Variants in CCNT2 observed in about 807,000 individuals in gnomAD.
The protein encoded by CCNT2 is cyclin T2, also known as cyclin-T2.
Under a neutral mutation model 70.0 loss-of-function variants are expected in CCNT2, and 18 were observed. The observed-to-expected ratio is 0.26, with a 90% confidence interval of 0.18 to 0.38. The LOEUF is 0.38. Ranked by LOEUF, CCNT2 falls within the 10% of genes least tolerant of loss-of-function variation. The pLI is 1.00. For synonymous variants in CCNT2, 334 were observed against 313.3 expected (o/e 1.07, Z -0.70); for missense variants, 734 against 890.2 (o/e 0.82, Z 2.23).
intron 7 of CCNT2, among the ~76,000 whole-genome samples, chr2:134,950,642 A>G (rs1377635703): frequency 5.3e-5 from 8 of 151,918 alleles, no homozygotes; most frequent in East Asian, 1.9e-4. Context: ...TCTGGGGGGA[A>G]AAAAAAAGAC....
chr2:134,945,961 G>A (rs1681928566), intron 5 of CCNT2, 140 bp from the exon 6 acceptor site: 2 of 1,562,320 alleles, frequency 1.3e-6, no homozygotes, highest in Non-Finnish European at 1.7e-6. Context: ...AAATGATGGC[G>A]CTCTTGTGAT....
At position 134,940,208 on chromosome 2, in the gene CCNT2, G is replaced by C. The variant is rs181621206; in HGVS notation, c.430+1146G>C. Among the ~76,000 whole-genome samples, 3 of 152,132 alleles carry C rather than the reference G, an allele frequency of 2.0e-5. No individual in the cohort carries two copies. In the South Asian group the frequency reaches 6.2e-4, roughly 32 times the overall value. ...ACTCTTCGTTACAAAACTAGTTTGT[G>C]TGAAATACATATGCAGTTGACCCTC... On this transcript the variant is annotated intron_variant, in intron 4 of 8. Transcript: ENST00000264157.
intron 2 of CCNT2, among the ~76,000 whole-genome samples, chr2:134,928,444 A>C (rs976123568): frequency 6.6e-6 from 1 of 151,378 alleles, no homozygotes; most frequent in Non-Finnish European, 1.5e-5. Flanking sequence ...ACTCCCGGCT[A>C]ATTTTGTATT....
chr2:134,929,198 G>A (rs114204498), intron 2 of CCNT2, among the ~76,000 whole-genome samples: 2,876 of 152,262 alleles, frequency 0.019, 94 homozygotes, highest in African/African-American at 0.066. Context: ...ATTAACAAAT[G>A]TGTGATAAAG....
intron 7 of CCNT2, 65 bp from the exon 8 acceptor site, chr2:134,952,576 C>G: frequency 1.1e-6 from 1 of 910,080 alleles, no homozygotes; most frequent in East Asian, 2.5e-5. Flanking sequence ...TTAATACTGC[C>G]CACTTAAGAG....
At chr2:134,935,082 A>G (rs531658644) in intron 2 of CCNT2, among the ~76,000 whole-genome samples, 1 of 152,256 alleles carries the variant, frequency 6.6e-6, no homozygotes, top group African/African-American at 2.4e-5. Flanking sequence ...AAATTGAACA[A>G]CAGCCACATA....
intron 4 of CCNT2, 128 bp downstream of exon 4, chr2:134,939,190 A>G: frequency 1.5e-6 from 1 of 662,348 alleles, no homozygotes; most frequent in Admixed American, 2.6e-5. Context: ...TAGACAGAAT[A>G]AGGTTGCCTG....
intron 2 of CCNT2, among the ~76,000 whole-genome samples, chr2:134,930,787 T>C (rs1191132551): frequency 2.0e-5 from 3 of 152,132 alleles, no homozygotes; most frequent in Non-Finnish European, 2.9e-5. Flanking sequence ...GCATCCAGTT[T>C]ATTAATATTT....
intron 6 of CCNT2, chr2:134,946,463 T>A (rs1403344366): frequency 9.3e-7 from 1 of 1,073,516 alleles, no homozygotes; most frequent in Non-Finnish European, 1.1e-6. Context: ...TTCGAGCAAC[T>A]TGGTAAGTAT....
intron 4 of CCNT2, among the ~76,000 whole-genome samples, chr2:134,942,115 T>C (rs1681627287): frequency 6.6e-6 from 1 of 151,682 alleles, no homozygotes; most frequent in Admixed American, 6.6e-5. Flanking sequence ...ATGATTTTGA[T>C]TATTAATGAA....
intron 4 of CCNT2, among the ~76,000 whole-genome samples, chr2:134,940,045 C>G (rs1681456069): frequency 6.6e-6 from 1 of 152,152 alleles, no homozygotes; most frequent in Admixed American, 6.5e-5. Flanking sequence ...GTTCCTTTAC[C>G]TGTTGTACCT....
rs576117967 is a variant in CCNT2, at chr2:134,959,035, T to A, written c.*4387T>A. The A allele has an allele frequency of 6.6e-6, 1 of 152,312 alleles. No individual in the cohort carries two copies. The highest frequency in any genetic ancestry group is 2.1e-4 in the South Asian group (1 of 4,826). 9.4% of individuals were successfully genotyped at this position (152,312 alleles called of 1,614,324 possible). On this transcript the variant is annotated 3_prime_UTR_variant, in exon 9 of 9. Coordinates refer to ENST00000264157, the MANE Select transcript of CCNT2 (RefSeq NM_058241.3). ...TCCCGAGCATTGCCACTTTAGTAGT[T>A]TGTTTGATTTGCCTATTGTTTAATA...
At chr2:134,919,099 C>A in intron 1 of CCNT2, 87 bp downstream of exon 1, 1 of 1,451,170 alleles carries the variant, frequency 6.9e-7, no homozygotes, top group Admixed American at 2.3e-5. Flanking sequence ...GCGCCGCCGG[C>A]CTCGGCCTTC....
chr2:134,951,739 T>A (rs1274084315), intron 7 of CCNT2, among the ~76,000 whole-genome samples: 1 of 152,208 alleles, frequency 6.6e-6, no homozygotes, highest in Non-Finnish European at 1.5e-5. Context: ...GTATACCCTT[T>A]AGCTTCTCCT....
At chr2:134,928,874 T>C (rs1351085960) in intron 2 of CCNT2, among the ~76,000 whole-genome samples, 1 of 152,170 alleles carries the variant, frequency 6.6e-6, no homozygotes, top group Non-Finnish European at 1.5e-5. Flanking sequence ...CTTTAAATGA[T>C]GCAAGGATTC....
rs1174913465 is a variant in CCNT2, at chr2:134,958,738, G to GT, written c.*4094dup. On this transcript the variant is annotated 3_prime_UTR_variant, in exon 9 of 9. Coordinates refer to ENST00000264157, the MANE Select transcript of CCNT2 (RefSeq NM_058241.3). ...CCAGTGGGACTGAAAAGCTCAAAAT[G>GT]TTTTAGACCTAATATCATACATTAA... 6.6e-6 allele frequency: 1 copy of GT among 152,174 alleles called. No individual in the cohort carries two copies. Among genetic ancestry groups the GT allele is most frequent in the Non-Finnish European group, 1.5e-5 (1 of 68,006 alleles). The allele number at this position is 152,174 out of a possible 1,614,324, so 9.4% of individuals were successfully genotyped here.
intron 4 of CCNT2, among the ~76,000 whole-genome samples, chr2:134,939,466 A>G (rs1681406690): frequency 6.6e-6 from 1 of 151,482 alleles, no homozygotes; most frequent in Non-Finnish European, 1.5e-5. Flanking sequence ...TTATTTATTT[A>G]TTTATTTATT....
intron 1 of CCNT2, 59 bp downstream of exon 1, chr2:134,919,071 T>C: frequency 6.6e-7 from 1 of 1,508,734 alleles, no homozygotes; most frequent in Non-Finnish European, 8.9e-7. Flanking sequence ...TCGCCGGGCC[T>C]GGTGCCCCGC....
intron 2 of CCNT2, among the ~76,000 whole-genome samples, chr2:134,926,447 A>C (rs536187283): frequency 3.9e-5 from 6 of 152,188 alleles, no homozygotes; most frequent in African/African-American, 1.4e-4. Flanking sequence ...TTTCCTCCCA[A>C]TGGTTTCTCT....
Sources: gnomAD v4.1 joint callset for allele counts (sites outside exome capture counted in the v4.1 genomes callset) on GRCh38, gnomAD v4.1.1 for gene constraint, MANE v1.5 for transcripts, NCBI Gene and HGNC (gene_info 2026-07-23, HGNC 2026-07-21) for gene names.